The following STX17 variants were observed in gnomAD, a reference collection of about 807,000 sequenced individuals.
The protein encoded by STX17 is syntaxin-17.
In STX17, 29 loss-of-function variants were observed where a neutral mutation model predicts 35.9. The observed-to-expected ratio is 0.81, with a 90% CI of 0.60 to 1.10. The LOEUF is 1.10. STX17 is among the 50% of genes least tolerant of loss of function. STX17 has a pLI of 0.00. For synonymous variants in STX17, 92 were observed against 118.3 expected (o/e 0.78, Z 1.44); for missense variants, 312 against 352.3 (o/e 0.89, Z 0.92).
rs76448428 is a variant in STX17, at chr9:99,968,414, A to C, written c.670-20A>C. ...TATTCTCAACTCAGTTTCTAAATTG[A>C]ATTTTTTTTTTTTTTACAGGCTGCA... On this transcript the variant is annotated intron_variant, in intron 7 of 7. Transcript: ENST00000259400. The C allele has an allele frequency of 1.1e-5, 17 of 1,514,700 alleles. No homozygotes were observed. The highest frequency in any genetic ancestry group is 1.5e-5 in the Non-Finnish European group (17 of 1,132,678). 93.8% of individuals were successfully genotyped at this position (1,514,700 alleles called of 1,614,324 possible). A position where few individuals can be genotyped will look rare whatever the true frequency, so the allele number is the denominator to read the frequency against.
chr9:99,940,321 G>C (rs1829325235), intron 3 of STX17, among the ~76,000 whole-genome samples: 1 of 151,402 alleles, frequency 6.6e-6, no homozygotes, highest in Non-Finnish European at 1.5e-5. Context: ...AATAAAGATG[G>C]GGTTTTACCA....
intron 1 of STX17, 160 bp from the exon 2 acceptor site, chr9:99,915,017 TA>T (rs541005468): frequency 2.3e-5 from 7 of 301,240 alleles, no homozygotes; most frequent in Non-Finnish European, 4.1e-5. Flanking sequence ...GAAAAAGATT[TA>T]AAAATCAGTG....
intron 1 of STX17, among the ~76,000 whole-genome samples, chr9:99,909,691 GGATGAATAAAATATAGTACTTGA>G (rs1241580248): frequency 6.6e-6 from 1 of 152,024 alleles, no homozygotes; most frequent in Non-Finnish European, 1.5e-5. Flanking sequence ...TAGTGATAGA[GGATGAATAAAATATAGTACTTGA>G]TAGCCGAACA....
chr9:99,951,980 A>G (rs1383507973), intron 4 of STX17, among the ~76,000 whole-genome samples: 1 of 152,044 alleles, frequency 6.6e-6, no homozygotes, highest in East Asian at 1.9e-4. Context: ...TAGAAAGCTT[A>G]GAGCCAAAAT....
chr9:99,955,004 A>G (rs546458600), intron 4 of STX17, among the ~76,000 whole-genome samples: 8 of 152,102 alleles, frequency 5.3e-5, no homozygotes, highest in African/African-American at 1.2e-4. Context: ...CTTCTGTCTC[A>G]CTTGTGTGTC....
chr9:99,965,697 T>C (rs1371806279), intron 6 of STX17, among the ~76,000 whole-genome samples: 1 of 152,158 alleles, frequency 6.6e-6, no homozygotes, highest in East Asian at 1.9e-4. Flanking sequence ...AAAATAAAAA[T>C]TGAATGATTG....
chr9:99,945,410 C>A (rs545083516), intron 3 of STX17, among the ~76,000 whole-genome samples: 1 of 152,062 alleles, frequency 6.6e-6, no homozygotes, highest in Non-Finnish European at 1.5e-5. Context: ...ATTGCCGCAG[C>A]AGGTTTTCTT....
chr9:99,933,780 A>G (rs1357636378), intron 3 of STX17, among the ~76,000 whole-genome samples: 2 of 152,206 alleles, frequency 1.3e-5, no homozygotes, highest in Non-Finnish European at 2.9e-5. Flanking sequence ...AGTTTAATTT[A>G]AAACACATTG....
intron 2 of STX17, among the ~76,000 whole-genome samples, chr9:99,924,096 A>G (rs1417796348): frequency 2.0e-5 from 3 of 152,230 alleles, no homozygotes; most frequent in Non-Finnish European, 4.4e-5. Flanking sequence ...GACTGAGTGG[A>G]GAAACCCAAC....
intron 2 of STX17, among the ~76,000 whole-genome samples, chr9:99,925,356 G>A (rs1828967344): frequency 6.6e-6 from 1 of 151,672 alleles, no homozygotes; most frequent in Admixed American, 6.6e-5. Flanking sequence ...TGTTATTTTT[G>A]CTTTAAATTG....
intron 4 of STX17, among the ~76,000 whole-genome samples, chr9:99,956,781 C>T (rs995932002): frequency 1.3e-5 from 2 of 152,150 alleles, no homozygotes; most frequent in African/African-American, 4.8e-5. Context: ...TTGACTATGG[C>T]CTTCCTAAAC....
chr9:99,918,101 T>C (rs1828812542), intron 2 of STX17, among the ~76,000 whole-genome samples: 1 of 152,164 alleles, frequency 6.6e-6, no homozygotes. Flanking sequence ...TTTTCTATGT[T>C]CTTTTTTCTC....
In STX17 at chr9:99,930,327, G is replaced by A. The variant is rs555592423; in HGVS notation, c.189+1484G>A. Among the ~76,000 whole-genome samples, 11 of 149,210 alleles carry A rather than the reference G, an allele frequency of 7.4e-5. No individual in the cohort carries two copies. The East Asian group carries it at 2.0e-3, about 27-fold the overall frequency. ...CTGTCGCCCAGGCTGGAGTGCAGTG[G>A]CTCAATCTCGGCTCACTGCAAGCTC... On this transcript the variant is annotated intron_variant, in intron 3 of 7. Coordinates refer to ENST00000259400, the MANE Select transcript of STX17 (RefSeq NM_017919.3).
intron 4 of STX17, among the ~76,000 whole-genome samples, chr9:99,953,354 G>T (rs770092793): frequency 6.6e-6 from 1 of 152,052 alleles, no homozygotes; most frequent in Non-Finnish European, 1.5e-5. Flanking sequence ...AGACAATTTT[G>T]TAATTTCACA....
chr9:99,960,395 G>A (rs554767940), intron 6 of STX17, among the ~76,000 whole-genome samples: 11 of 152,012 alleles, frequency 7.2e-5, no homozygotes, highest in African/African-American at 2.4e-4. Flanking sequence ...GGTCAGGTTG[G>A]ATATAGAAAT....
intron 4 of STX17, among the ~76,000 whole-genome samples, chr9:99,953,715 A>G (rs1434223706): frequency 6.6e-6 from 1 of 152,066 alleles, no homozygotes; most frequent in Non-Finnish European, 1.5e-5. Flanking sequence ...AAGAGTAACT[A>G]ACATCAATCT....
chr9:99,951,922 G>A (rs990310962), intron 4 of STX17, among the ~76,000 whole-genome samples: 1 of 151,490 alleles, frequency 6.6e-6, no homozygotes, highest in Admixed American at 6.6e-5. Flanking sequence ...AAATCTTTTG[G>A]GTATTCAATG....
chr9:99,912,173 C>G (rs903191265), intron 1 of STX17, among the ~76,000 whole-genome samples: 5 of 151,750 alleles, frequency 3.3e-5, no homozygotes, highest in Non-Finnish European at 5.9e-5. Flanking sequence ...TTGCAGTAAG[C>G]TGAGCTCGTG....
At chr9:99,935,747 G>T (rs1464337874) in intron 3 of STX17, among the ~76,000 whole-genome samples, 2 of 152,174 alleles carry the variant, frequency 1.3e-5, no homozygotes, top group Non-Finnish European at 2.9e-5. Flanking sequence ...TAAATAAATG[G>T]TGTTTGTGGA....
Sources: allele counts gnomAD v4.1 joint callset (sites outside exome capture counted in the v4.1 genomes callset), GRCh38; gene constraint gnomAD v4.1.1; transcripts MANE v1.5; gene names NCBI Gene and HGNC (gene_info 2026-07-23, HGNC 2026-07-21).